The following LHFPL4 variants were observed in gnomAD, a reference collection of about 807,000 sequenced individuals.
LHFPL4 encodes LHFPL tetraspan subfamily member 4 protein.
Under a neutral mutation model 20.0 loss-of-function variants are expected in LHFPL4, and 6 were observed. The ratio of observed to expected loss-of-function variants is 0.30; its 90% CI spans 0.16 to 0.59. The LOEUF is 0.59. Among genes scored for constraint, LHFPL4 ranks in the 20% least tolerant of loss-of-function variants. LHFPL4 has a pLI of 0.88. For missense variants in LHFPL4, 215 were observed against 331.2 expected, an observed-to-expected ratio of 0.65 and a Z score of 2.72; for synonymous variants, 129 against 143.8, an observed-to-expected ratio of 0.90 and a Z score of 0.74.
chr3:9,516,199 A>T (rs2046300036), intron 2 of LHFPL4, among the ~76,000 whole-genome samples: 1 of 152,044 alleles, frequency 6.6e-6, no homozygotes, highest in South Asian at 2.1e-4. Flanking sequence ...TTTAGCCTAT[A>T]TTATTTTCTA....
intron 2 of LHFPL4, among the ~76,000 whole-genome samples, chr3:9,511,220 G>A (rs1034264621): frequency 1.3e-5 from 2 of 150,326 alleles, no homozygotes. Flanking sequence ...GCGTGGTGGC[G>A]GGTGCCTGTA....
At chr3:9,532,261 T>G (rs537631320) in intron 2 of LHFPL4, among the ~76,000 whole-genome samples, 43 of 152,254 alleles carry the variant, frequency 2.8e-4, no homozygotes, top group African/African-American at 1.0e-3. Flanking sequence ...ACTCCTGACC[T>G]TAGGTGATCT....
Position 9,506,361 on chromosome 3 carries a change from G to A in LHFPL4, c.407-158C>T, listed in dbSNP as rs2046218204. ...TCCACAGAGGGAGAAAGAGAGGGCA[G>A]GGGCAGGGAAAAGAGAGAGAGAAAG... On this transcript the variant is annotated intron_variant, in intron 2 of 3. Transcript: ENST00000287585. The surrounding 1 kb of genome is among the most constrained non-coding windows in gnomAD (Gnocchi z 4.5). Among the ~76,000 whole-genome samples the A allele has an allele frequency of 6.6e-6, 1 of 152,156 alleles. No individual in the cohort carries two copies. The highest frequency in any genetic ancestry group is 1.5e-5 in the Non-Finnish European group (1 of 68,026).
intron 2 of LHFPL4, among the ~76,000 whole-genome samples, chr3:9,539,483 A>G (rs2046464280): frequency 6.7e-6 from 1 of 149,870 alleles, no homozygotes; most frequent in Non-Finnish European, 1.5e-5. Flanking sequence ...GGAATAGTTC[A>G]ACCCTTGTCC....
intron 2 of LHFPL4, among the ~76,000 whole-genome samples, chr3:9,533,193 C>A (rs990799702): frequency 5.3e-5 from 8 of 152,204 alleles, no homozygotes; most frequent in African/African-American, 1.9e-4. Context: ...ATCCCCTAGA[C>A]CCAGACCCCT....
intron 2 of LHFPL4, among the ~76,000 whole-genome samples, chr3:9,530,460 A>G (rs560315841): frequency 3.9e-5 from 6 of 152,198 alleles, no homozygotes; most frequent in African/African-American, 1.2e-4. Context: ...ACCTCTCTCA[A>G]TCTTCACAGA....
chr3:9,544,135 G>T (rs2046496411), intron 2 of LHFPL4, among the ~76,000 whole-genome samples: 1 of 152,082 alleles, frequency 6.6e-6, no homozygotes, highest in South Asian at 2.1e-4. Context: ...TCAAGAAACT[G>T]GTAATGGGGG....
At chr3:9,543,614 T>C (rs1431706280) in intron 2 of LHFPL4, among the ~76,000 whole-genome samples, 1 of 152,006 alleles carries the variant, frequency 6.6e-6, no homozygotes, top group African/African-American at 2.4e-5. Context: ...GAGTCATAGC[T>C]ACCTGCCCAT....
At chr3:9,526,476 T>G (rs1385306900) in intron 2 of LHFPL4, among the ~76,000 whole-genome samples, 1 of 152,198 alleles carries the variant, frequency 6.6e-6, no homozygotes, top group Non-Finnish European at 1.5e-5. Context: ...CTGTCTTTAT[T>G]TTGCTCACAA....
chr3:9,510,169 G>A (rs963438727), intron 2 of LHFPL4, among the ~76,000 whole-genome samples: 7 of 152,190 alleles, frequency 4.6e-5, no homozygotes, highest in Non-Finnish European at 1.5e-5. Flanking sequence ...AAAAATGTCA[G>A]TTGGGCATGG....
intron 2 of LHFPL4, among the ~76,000 whole-genome samples, chr3:9,528,718 C>T (rs1160120099): frequency 3.3e-5 from 5 of 151,590 alleles, no homozygotes; most frequent in African/African-American, 9.7e-5. Context: ...CGGGTTCAAG[C>T]AATTCTCCTG....
In LHFPL4 at chr3:9,502,237, G is replaced by A. The variant is rs1305354434; in HGVS notation, c.718C>T (p.Pro240Ser). ...CAGGGTCCCTGTGAGTGAGCCACGG[G>A]GCAGGGAAGGACTCCCCATCCAGAG... is the stretch of plus-strand genomic sequence containing the variant. Reference protein sequence around the residue: ...DVSGWGVLPCPVAHSQGP With the variant: ...DVSGWGVLPCSVAHSQGP The change falls in exon 4 of 4, where the codon CCC becomes TCC. Residue 240 changes from proline to serine, a missense_variant. Pro to Ser is a moderately conservative substitution (Grantham distance 74). Around this residue, in one of 2 missense-constraint regions of LHFPL4, gnomAD observed 51 missense variants for 44.5 expected, o/e 1.15. Coordinates refer to ENST00000287585, the MANE Select transcript of LHFPL4 (RefSeq NM_198560.3). 1.9e-6 allele frequency: 3 copies of A among 1,613,930 alleles called. No individual in the cohort carries two copies. Among genetic ancestry groups the A allele is most frequent in the Admixed American group, 3.3e-5 (2 of 59,992 alleles).
At chr3:9,544,163 A>C (rs2125667177) in intron 2 of LHFPL4, among the ~76,000 whole-genome samples, 1 of 152,214 alleles carries the variant, frequency 6.6e-6, no homozygotes, top group Non-Finnish European at 1.5e-5. Flanking sequence ...TGGGAGAAAC[A>C]GGTGGGGGAG....
intron 2 of LHFPL4, among the ~76,000 whole-genome samples, chr3:9,543,934 G>A (rs538400164): frequency 5.3e-5 from 8 of 152,016 alleles, no homozygotes; most frequent in African/African-American, 1.9e-4. Context: ...TGTTGCCCAG[G>A]CTGGTCTCAA....
At chr3:9,510,396 C>G (rs1449241700) in intron 2 of LHFPL4, among the ~76,000 whole-genome samples, 1 of 147,506 alleles carries the variant, frequency 6.8e-6, no homozygotes, top group East Asian at 2.0e-4. Flanking sequence ...AAAATTGCAC[C>G]ATTGCACTAC....
At chr3:9,517,925 T>C (rs751824545) in intron 2 of LHFPL4, among the ~76,000 whole-genome samples, 5 of 152,016 alleles carry the variant, frequency 3.3e-5, no homozygotes, top group Non-Finnish European at 7.4e-5. Flanking sequence ...TTCCTTTTCT[T>C]TTCTTATTGC....
chr3:9,543,666 A>G (rs2046492323), intron 2 of LHFPL4, among the ~76,000 whole-genome samples: 1 of 150,674 alleles, frequency 6.6e-6, no homozygotes, highest in South Asian at 2.1e-4. Context: ...AGAAACAAAT[A>G]TCATAAATGC....
At chr3:9,523,092 G>GAAAGAAAGAAAGAA (rs113605238) in intron 2 of LHFPL4, among the ~76,000 whole-genome samples, 1 of 133,536 alleles carries the variant, frequency 7.5e-6, no homozygotes, top group African/African-American at 2.8e-5. Context: ...AAGAAAGAAA[G>GAAAGAAAGAAAGAA]AGAGAGAGAG....
chr3:9,516,846 CT>C (rs1388907598), intron 2 of LHFPL4, among the ~76,000 whole-genome samples: 10 of 135,190 alleles, frequency 7.4e-5, no homozygotes. Context: ...GTAGCTCAAT[CT>C]TGGCTTACTT....
Sources: allele counts gnomAD v4.1 joint callset (sites outside exome capture counted in the v4.1 genomes callset), GRCh38; gene constraint gnomAD v4.1.1; regional missense constraint gnomAD v4.1.1; non-coding constraint Gnocchi (gnomAD v3.1); transcripts MANE v1.5; gene names NCBI Gene and HGNC (gene_info 2026-07-23, HGNC 2026-07-21).